EPHB1: variants seen among roughly 807,000 people sequenced by gnomAD.
The protein encoded by EPHB1 is EPH receptor B1.
A neutral mutation model predicts 94.4 loss-of-function variants in EPHB1; 30 were observed. The ratio of observed to expected loss-of-function variants is 0.32; its 90% CI spans 0.24 to 0.43. The LOEUF is 0.43. Ranked by LOEUF, EPHB1 falls within the 20% of genes least tolerant of loss-of-function variation. The pLI is 1.00. For missense variants in EPHB1, 1,055 were observed against 1,308.3 expected (o/e 0.81, Z 2.99); for synonymous variants, 522 against 489.1 (o/e 1.07, Z -0.89).
intron 4 of EPHB1, among the ~76,000 whole-genome samples, chr3:135,128,567 G>A (rs570834504): frequency 1.3e-5 from 2 of 152,266 alleles, no homozygotes; most frequent in African/African-American, 4.8e-5. Flanking sequence ...GGCCTCATGG[G>A]AATAAGAGAC....
chr3:134,931,043 T>C (rs182168319), intron 2 of EPHB1, among the ~76,000 whole-genome samples: 2 of 152,348 alleles, frequency 1.3e-5, no homozygotes, highest in Admixed American at 6.5e-5. Flanking sequence ...TCTTGATACC[T>C]GTCTGCATCT....
intron 1 of EPHB1, among the ~76,000 whole-genome samples, chr3:134,883,714 G>T (rs994405147): frequency 6.6e-6 from 1 of 152,148 alleles, no homozygotes; most frequent in African/African-American, 2.4e-5. Context: ...GGGTAAACAA[G>T]GGGATCACTT....
chr3:135,117,583 A>G (rs1359097120), intron 4 of EPHB1, among the ~76,000 whole-genome samples: 1 of 152,244 alleles, frequency 6.6e-6, no homozygotes, highest in Non-Finnish European at 1.5e-5. Flanking sequence ...AGCCACATCA[A>G]GAAGGGTGGC....
chr3:135,227,621 A>T (rs540317039), intron 12 of EPHB1, among the ~76,000 whole-genome samples: 1 of 152,268 alleles, frequency 6.6e-6, no homozygotes, highest in East Asian at 1.9e-4. Flanking sequence ...ATGCTATGTT[A>T]TTTCAAACAA....
chr3:135,256,650 C>T (rs1446128734), intron 15 of EPHB1, among the ~76,000 whole-genome samples: 1 of 152,170 alleles, frequency 6.6e-6, no homozygotes, highest in African/African-American at 2.4e-5. Context: ...CTGCCCTTAA[C>T]ATTTTTTCCT....
chr3:134,962,346 T>G (rs1933553023), intron 3 of EPHB1, among the ~76,000 whole-genome samples: 1 of 152,174 alleles, frequency 6.6e-6, no homozygotes, highest in Non-Finnish European at 1.5e-5. Flanking sequence ...TTCACTCTCT[T>G]CTGTCCCATT....
At chr3:135,000,754 AT>A (rs1395835979) in intron 3 of EPHB1, among the ~76,000 whole-genome samples, 1 of 152,118 alleles carries the variant, frequency 6.6e-6, no homozygotes, top group Non-Finnish European at 1.5e-5. Flanking sequence ...ATTTGTTATA[AT>A]TTGCCTTTTT....
At chr3:134,927,381 T>C (rs1046218952) in intron 2 of EPHB1, among the ~76,000 whole-genome samples, 1 of 152,162 alleles carries the variant, frequency 6.6e-6, no homozygotes, top group African/African-American at 2.4e-5. Flanking sequence ...GAGCTGGCAT[T>C]CCCTAAAGCA....
At chr3:134,838,467 A>G (rs916094527) in intron 1 of EPHB1, among the ~76,000 whole-genome samples, 1 of 152,080 alleles carries the variant, frequency 6.6e-6, no homozygotes, top group Non-Finnish European at 1.5e-5. Flanking sequence ...ACATCTCCCA[A>G]ATGTCTTCCC....
chr3:135,011,722 G>A (rs1335803458), intron 3 of EPHB1, among the ~76,000 whole-genome samples: 1 of 152,114 alleles, frequency 6.6e-6, no homozygotes, highest in Admixed American at 6.5e-5. Context: ...ATTACTGCAG[G>A]GCCTCTCAGG....
intron 1 of EPHB1, among the ~76,000 whole-genome samples, chr3:134,914,991 C>T (rs911752195): frequency 1.3e-5 from 2 of 152,050 alleles, no homozygotes; most frequent in African/African-American, 4.8e-5. Flanking sequence ...GAGAGTGGAC[C>T]TTGAGGAGCA....
intron 3 of EPHB1, 37 bp from the exon 4 acceptor site, chr3:135,106,411 C>T (rs1421241588): frequency 6.2e-7 from 1 of 1,610,408 alleles, no homozygotes; most frequent in Admixed American, 1.7e-5. Context: ...GGCTGCCACA[C>T]TTCCATTAAT....
At chr3:134,898,509 C>T (rs890154844) in intron 1 of EPHB1, among the ~76,000 whole-genome samples, 1 of 152,172 alleles carries the variant, frequency 6.6e-6, no homozygotes, top group Non-Finnish European at 1.5e-5. Context: ...GGTGGCAGGC[C>T]AACCCCCATG....
intron 1 of EPHB1, among the ~76,000 whole-genome samples, chr3:134,909,105 A>G (rs2038398921): frequency 2.1e-5 from 2 of 95,698 alleles, no homozygotes; most frequent in Non-Finnish European, 3.7e-5. Flanking sequence ...CAGTACACAC[A>G]AGGTGGGGGC....
At chr3:135,042,837 A>T (rs1229910043) in intron 3 of EPHB1, among the ~76,000 whole-genome samples, 1 of 149,690 alleles carries the variant, frequency 6.7e-6, no homozygotes, top group Non-Finnish European at 1.5e-5. Flanking sequence ...GTATTTATTT[A>T]TTTTTTATTT....
At chr3:135,129,464 CA>C (rs1940340895) in intron 4 of EPHB1, among the ~76,000 whole-genome samples, 1 of 152,214 alleles carries the variant, frequency 6.6e-6, no homozygotes, top group Non-Finnish European at 1.5e-5. Flanking sequence ...CCCCTCCATC[CA>C]CCTACAGCAA....
intron 3 of EPHB1, among the ~76,000 whole-genome samples, chr3:135,024,494 C>A (rs1188753521): frequency 6.6e-6 from 1 of 152,122 alleles, no homozygotes; most frequent in African/African-American, 2.4e-5. Flanking sequence ...GGATGGACAT[C>A]GCCAGAATTT....
chr3:135,026,690 A>G (rs1100565), intron 3 of EPHB1, among the ~76,000 whole-genome samples: 57,567 of 100,752 alleles, frequency 0.57, 17,352 homozygotes, highest in East Asian at 0.86. Context: ...TTGACTTGGC[A>G]ATGCGGGCTC....
At chr3:134,871,072 C>T (rs2037489361) in intron 1 of EPHB1, among the ~76,000 whole-genome samples, 1 of 152,206 alleles carries the variant, frequency 6.6e-6, no homozygotes, top group Non-Finnish European at 1.5e-5. Context: ...AGAAAGGTCT[C>T]TGCTTCATAG....
Sources: allele counts gnomAD v4.1 joint callset (sites outside exome capture counted in the v4.1 genomes callset), GRCh38; gene constraint gnomAD v4.1.1; transcripts MANE v1.5; gene names NCBI Gene and HGNC (gene_info 2026-07-23, HGNC 2026-07-21).